S100Z: variants seen among roughly 807,000 people sequenced by gnomAD.
S100Z encodes the protein S100 calcium binding protein Z, also known as protein S100-Z.
A neutral mutation model predicts 8.5 loss-of-function variants in S100Z; 11 were observed. That is an observed-to-expected ratio of 1.30 (90% CI 0.82 to 2.15). The LOEUF is 2.15. S100Z is among the 30% of genes most tolerant of loss of function. The probability of loss-of-function intolerance (pLI) is 0.00; values close to 1 mark genes in which losing one functional copy is unlikely to be tolerated. For missense variants in S100Z, 126 were observed against 117.9 expected, an observed-to-expected ratio of 1.07 and a Z score of -0.32; for synonymous variants, 34 against 43.8, an observed-to-expected ratio of 0.78 and a Z score of 0.89.
intron 4 of S100Z, among the ~76,000 whole-genome samples, chr5:76,906,976 GTATATATATATATATATATATATA>G (rs869046562): frequency 1.1e-3 from 24 of 21,788 alleles, no homozygotes; most frequent in East Asian, 4.1e-3. Context: ...TTGTGTGTGT[GTATATATATATATATATATATATA>G]TATATATATA....
At chr5:76,873,772 G>A (rs1431711941) in intron 2 of S100Z, among the ~76,000 whole-genome samples, 4 of 152,130 alleles carry the variant, frequency 2.6e-5, no homozygotes, top group Non-Finnish European at 5.9e-5. Context: ...CTTGCTTTCC[G>A]TATAATTAAG....
At chr5:76,911,451 C>T (rs1198490227) in intron 4 of S100Z, among the ~76,000 whole-genome samples, 1 of 152,168 alleles carries the variant, frequency 6.6e-6, no homozygotes, top group African/African-American at 2.4e-5. Context: ...TTCTGTATTC[C>T]CCTGCACTCT....
chr5:76,885,799 C>G (rs1053174627), intron 4 of S100Z, among the ~76,000 whole-genome samples: 4 of 147,012 alleles, frequency 2.7e-5, no homozygotes, highest in African/African-American at 1.0e-4. Context: ...GGGCTGCTTG[C>G]CCCCCAGAAA....
chr5:76,864,211 C>T (rs1000546588), intron 1 of S100Z, among the ~76,000 whole-genome samples: 2 of 152,040 alleles, frequency 1.3e-5, no homozygotes, highest in African/African-American at 4.8e-5. Flanking sequence ...ATTCTTCTTG[C>T]TTAGTGAAGT....
chr5:76,936,921 T>C, the S100Z span, among the ~76,000 whole-genome samples: 1 of 152,154 alleles, frequency 6.6e-6, no homozygotes, highest in African/African-American at 2.4e-5. Flanking sequence ...TCGTCATTCC[T>C]CAGCCCTTGA....
At chr5:76,868,333 A>G (rs539496070) in intron 1 of S100Z, among the ~76,000 whole-genome samples, 29 of 144,994 alleles carry the variant, frequency 2.0e-4, no homozygotes, top group African/African-American at 7.5e-4. Flanking sequence ...GCCAAAGCCC[A>G]GTAGAAACAA....
At chr5:76,899,011 G>A (rs553279953) in intron 4 of S100Z, among the ~76,000 whole-genome samples, 3 of 143,616 alleles carry the variant, frequency 2.1e-5, no homozygotes, top group Non-Finnish European at 4.5e-5. Context: ...CCTTGGCTCA[G>A]TGCAACCTCC....
chr5:76,928,586 C>T, the S100Z span, among the ~76,000 whole-genome samples: 1 of 152,144 alleles, frequency 6.6e-6, no homozygotes, highest in South Asian at 2.1e-4. Flanking sequence ...TTCCATCTTC[C>T]CTTAAAATGA....
At chr5:76,930,633 T>C in the S100Z span, among the ~76,000 whole-genome samples, 1 of 152,194 alleles carries the variant, frequency 6.6e-6, no homozygotes, top group African/African-American at 2.4e-5. Context: ...CACTCGACTC[T>C]GAAAATTCCC....
At chr5:76,945,304 G>C in the S100Z span, among the ~76,000 whole-genome samples, 1 of 152,220 alleles carries the variant, frequency 6.6e-6, no homozygotes, top group Non-Finnish European at 1.5e-5. Context: ...TTCTTCCCGT[G>C]TGATAGCCTG....
intron 1 of S100Z, among the ~76,000 whole-genome samples, chr5:76,866,034 A>G (rs1751263289): frequency 6.6e-6 from 1 of 151,366 alleles, no homozygotes; most frequent in Admixed American, 6.6e-5. Flanking sequence ...AAGAAAAAAA[A>G]AAAGTTACAG....
intron 4 of S100Z, among the ~76,000 whole-genome samples, chr5:76,880,762 T>C (rs1173490911): frequency 6.6e-6 from 1 of 152,202 alleles, no homozygotes; most frequent in Non-Finnish European, 1.5e-5. Context: ...GGTGCTATCC[T>C]TGAGTTTTTT....
intron 1 of S100Z, among the ~76,000 whole-genome samples, chr5:76,862,726 T>C (rs1751098095): frequency 6.6e-6 from 1 of 152,060 alleles, no homozygotes; most frequent in African/African-American, 2.4e-5. Context: ...GGCTTGAACC[T>C]GGGAGTCGGA....
At chr5:76,927,613 C>A in the S100Z span, among the ~76,000 whole-genome samples, 41 of 152,262 alleles carry the variant, frequency 2.7e-4, no homozygotes, top group Admixed American at 5.9e-4. Context: ...GGCTTAGGCC[C>A]CTGAGGAAAG....
At chr5:76,876,138 A>G (rs917046861) in intron 3 of S100Z, among the ~76,000 whole-genome samples, 4 of 152,304 alleles carry the variant, frequency 2.6e-5, no homozygotes, top group African/African-American at 7.2e-5. Context: ...TGGTGTTTAT[A>G]GAGTTGACTT....
the S100Z span, among the ~76,000 whole-genome samples, chr5:76,932,024 A>T: frequency 6.6e-6 from 1 of 152,154 alleles, no homozygotes; most frequent in African/African-American, 2.4e-5. Flanking sequence ...TATATATATA[A>T]TTTATAACAA....
chr5:76,897,147 T>A (rs1744064742), intron 4 of S100Z, among the ~76,000 whole-genome samples: 1 of 152,142 alleles, frequency 6.6e-6, no homozygotes, highest in Non-Finnish European at 1.5e-5. Context: ...GGGTCTTTTG[T>A]GGGTTCATTT....
chr5:76,872,899 G>A (rs1281697108), intron 2 of S100Z, among the ~76,000 whole-genome samples: 1 of 152,190 alleles, frequency 6.6e-6, no homozygotes, highest in African/African-American at 2.4e-5. Flanking sequence ...TCTGAGCCCA[G>A]GAGGTCGAGG....
chr5:76,941,192 CAT>C, the S100Z span, among the ~76,000 whole-genome samples: 1 of 152,122 alleles, frequency 6.6e-6, no homozygotes, highest in Non-Finnish European at 1.5e-5. Context: ...TTCGTTTTGA[CAT>C]AGTGAATTGG....
Sources: gnomAD v4.1 joint callset for allele counts (sites outside exome capture counted in the v4.1 genomes callset) on GRCh38, gnomAD v4.1.1 for gene constraint, MANE v1.5 for transcripts, NCBI Gene and HGNC (gene_info 2026-07-23, HGNC 2026-07-21) for gene names.